Variants in CTNNA2 observed in about 807,000 individuals in gnomAD.
The protein encoded by CTNNA2 is catenin alpha 2, also known as catenin alpha-2.
In CTNNA2, 42 loss-of-function variants were observed where a neutral mutation model predicts 101.0. The ratio of observed to expected loss-of-function variants is 0.42; its 90% CI spans 0.32 to 0.54. The LOEUF (loss-of-function observed/expected upper bound fraction) is 0.54, where lower values mean the gene tolerates loss of function less well. Ranked by LOEUF, CTNNA2 falls within the 20% of genes least tolerant of loss-of-function variation. The pLI, the probability that CTNNA2 is intolerant of heterozygous loss-of-function variation, is 0.14. For synonymous variants in CTNNA2, 450 were observed against 456.4 expected (o/e 0.99, Z 0.18); for missense variants, 871 against 1,223.1 (o/e 0.71, Z 4.29).
At chr2:80,353,899 A>T (rs935953385) in intron 7 of CTNNA2, among the ~76,000 whole-genome samples, 1 of 152,166 alleles carries the variant, frequency 6.6e-6, no homozygotes, top group Non-Finnish European at 1.5e-5. Context: ...AAATTGCTTA[A>T]ATATGAAAAA....
At chr2:80,591,118 G>A (rs948668544) in intron 15 of CTNNA2, among the ~76,000 whole-genome samples, 2 of 152,134 alleles carry the variant, frequency 1.3e-5, no homozygotes, top group Non-Finnish European at 2.9e-5. Context: ...TTATATAACT[G>A]TGGTCAAGGC....
At chr2:79,506,914 G>A (rs1051543693) in intron 5 of CTNNA2, among the ~76,000 whole-genome samples, 1 of 152,110 alleles carries the variant, frequency 6.6e-6, no homozygotes, top group African/African-American at 2.4e-5. Context: ...TCACTCCAGG[G>A]CCAGACCAAT....
chr2:79,405,958 AG>A (rs1678336517), intron 4 of CTNNA2, among the ~76,000 whole-genome samples: 2 of 152,060 alleles, frequency 1.3e-5, no homozygotes, highest in Middle Eastern at 3.2e-3. Flanking sequence ...ATTACTCCTC[AG>A]AAGAATACTG....
chr2:79,429,506 C>T (rs962369538), intron 4 of CTNNA2, among the ~76,000 whole-genome samples: 1 of 152,106 alleles, frequency 6.6e-6, no homozygotes, highest in Non-Finnish European at 1.5e-5. Context: ...TTACGATGTT[C>T]ATTTAATTTA....
chr2:80,503,581 C>A (rs908097214), intron 9 of CTNNA2, among the ~76,000 whole-genome samples: 2 of 152,126 alleles, frequency 1.3e-5, no homozygotes, highest in African/African-American at 4.8e-5. Flanking sequence ...GAAAAACAAA[C>A]AAACTTTTAA....
chr2:79,905,050 A>C (rs936314195), intron 6 of CTNNA2, among the ~76,000 whole-genome samples: 1 of 152,212 alleles, frequency 6.6e-6, no homozygotes, highest in East Asian at 1.9e-4. Flanking sequence ...ACTTGAAGGC[A>C]GAATAGGATT....
intron 7 of CTNNA2, among the ~76,000 whole-genome samples, chr2:80,134,522 G>C (rs1702587486): frequency 6.6e-6 from 1 of 152,152 alleles, no homozygotes; most frequent in South Asian, 2.1e-4. Flanking sequence ...GTGACCCTGA[G>C]ACCCCACTTC....
chr2:79,832,383 G>A (rs1678995055), intron 3 of CTNNA2, among the ~76,000 whole-genome samples: 2 of 152,164 alleles, frequency 1.3e-5, no homozygotes, highest in African/African-American at 4.8e-5. Flanking sequence ...CAGATTTGTT[G>A]AATTAACAGA....
intron 2 of CTNNA2, among the ~76,000 whole-genome samples, chr2:79,299,364 G>A (rs140363379): frequency 9.2e-4 from 140 of 152,242 alleles, no homozygotes; most frequent in African/African-American, 2.8e-3. Flanking sequence ...TAGTGCCAGC[G>A]TCATAGGCTA....
At chr2:79,512,031 C>T (rs1489195483), upstream of CTNNA2, among the ~76,000 whole-genome samples, 1 of 152,124 alleles carries the variant, frequency 6.6e-6, no homozygotes, top group Admixed American at 6.5e-5. Context: ...GGCACTGTGG[C>T]AGAACAAAGA....
chr2:80,042,101 A>C (rs1021432709), intron 7 of CTNNA2, among the ~76,000 whole-genome samples: 1 of 152,102 alleles, frequency 6.6e-6, no homozygotes, highest in African/African-American at 2.4e-5. Flanking sequence ...AGTAGCTAGG[A>C]TTATAGGCTT....
chr2:80,544,793 T>C (rs896802504), intron 9 of CTNNA2, among the ~76,000 whole-genome samples, 189 bp from the exon 10 acceptor site: 2 of 152,212 alleles, frequency 1.3e-5, no homozygotes, highest in African/African-American at 4.8e-5. Context: ...ATGCCTTTTC[T>C]GACAGAAATG....
chr2:79,747,532 A>G (rs576090581), intron 3 of CTNNA2, among the ~76,000 whole-genome samples: 2 of 152,342 alleles, frequency 1.3e-5, no homozygotes, highest in Middle Eastern at 3.4e-3. Flanking sequence ...TTTGTCTTCT[A>G]TGATAATAAA....
chr2:80,084,325 C>T (rs1400754810), intron 7 of CTNNA2, among the ~76,000 whole-genome samples: 1 of 152,162 alleles, frequency 6.6e-6, no homozygotes. Flanking sequence ...TAGATGTCCT[C>T]TGTTGGACAT....
intron 9 of CTNNA2, among the ~76,000 whole-genome samples, chr2:80,520,159 A>G (rs1312566666): frequency 1.3e-5 from 2 of 152,008 alleles, no homozygotes; most frequent in Non-Finnish European, 2.9e-5. Context: ...TGAGACCAAG[A>G]GGGTGTGTGT....
At chr2:80,357,343 T>C (rs1673934278) in intron 7 of CTNNA2, among the ~76,000 whole-genome samples, 1 of 151,256 alleles carries the variant, frequency 6.6e-6, no homozygotes, top group Non-Finnish European at 1.5e-5. Context: ...AGAAAGAAGG[T>C]AGCATGATGT....
chr2:79,811,207 A>G (rs898339696), intron 3 of CTNNA2, among the ~76,000 whole-genome samples: 5 of 152,038 alleles, frequency 3.3e-5, no homozygotes, highest in Non-Finnish European at 7.4e-5. Context: ...CTGACTTTTT[A>G]ATGATCGCCA....
At chr2:80,540,983 C>T (rs1691504622) in intron 9 of CTNNA2, among the ~76,000 whole-genome samples, 1 of 152,212 alleles carries the variant, frequency 6.6e-6, no homozygotes, top group Admixed American at 6.5e-5. Flanking sequence ...GCCACTGCAT[C>T]TGGCCCAAGC....
At chr2:80,358,407 A>G (rs1573829904) in intron 7 of CTNNA2, among the ~76,000 whole-genome samples, 1 of 145,680 alleles carries the variant, frequency 6.9e-6, no homozygotes, top group Admixed American at 7.0e-5. Flanking sequence ...CTGGAGTGCA[A>G]TGGCGCAATC....
Sources: allele counts gnomAD v4.1 joint callset (sites outside exome capture counted in the v4.1 genomes callset), GRCh38; gene constraint gnomAD v4.1.1; transcripts MANE v1.5; gene names NCBI Gene and HGNC (gene_info 2026-07-23, HGNC 2026-07-21).